The following CEP164 variants were observed in gnomAD, a reference collection of about 807,000 sequenced individuals.
CEP164 encodes the protein centrosomal protein of 164 kDa.
Under a neutral mutation model 182.7 loss-of-function variants are expected in CEP164, and 162 were observed. That is an observed-to-expected ratio of 0.89 (90% CI 0.78 to 1.01). The LOEUF is 1.01. Among genes scored for constraint, CEP164 ranks in the 50% least tolerant of loss-of-function variants. The pLI, the probability that CEP164 is intolerant of heterozygous loss-of-function variation, is 0.00. For synonymous variants in CEP164, 661 were observed against 690.0 expected (o/e 0.96, Z 0.66); for missense variants, 1,735 against 1,790.4 (o/e 0.97, Z 0.56).
intron 8 of CEP164, among the ~76,000 whole-genome samples, chr11:117,370,365 C>T (rs1284806640): frequency 1.3e-5 from 2 of 152,266 alleles, no homozygotes; most frequent in Non-Finnish European, 2.9e-5. Context: ...TGCTGCCTTT[C>T]TGTCACATGA....
At chr11:117,331,430 C>CA (rs35449587) in intron 1 of CEP164, among the ~76,000 whole-genome samples, 106,527 of 152,092 alleles carry the variant, frequency 0.7, 37,450 homozygotes, top group Admixed American at 0.78. Flanking sequence ...ATTTGTGTAA[C>CA]TTTTCTGTAT....
chr11:117,358,540 C>CTTTT lies in CEP164; in HGVS notation c.394-3280_394-3277dup, dbSNP rs71961009. On this transcript the variant is annotated intron_variant, in intron 5 of 32. Transcript: ENST00000278935. ...TCTTGGGCTCTTCCCCTCCCCCGGC[C>CTTTT]TTTTTTTTTTTTTTTTTTAAGAGAC... is the stretch of plus-strand genomic sequence containing the variant. Among the ~76,000 whole-genome samples, 160 of 129,124 alleles carry CTTTT rather than the reference C, an allele frequency of 1.2e-3. 3 individuals carry two copies. The South Asian group carries it at 0.027, about 22-fold the overall frequency. 84.7% of individuals were successfully genotyped at this position (129,124 alleles called of 152,430 possible).
intron 1 of CEP164, among the ~76,000 whole-genome samples, chr11:117,333,319 T>C (rs1190464777): frequency 1.3e-5 from 2 of 152,106 alleles, no homozygotes; most frequent in African/African-American, 4.8e-5. Flanking sequence ...GCCCAAGGGC[T>C]GCATTCTTAG....
chr11:117,389,920 C>T (rs2044404555), intron 15 of CEP164, among the ~76,000 whole-genome samples: 1 of 150,726 alleles, frequency 6.6e-6, no homozygotes, highest in Non-Finnish European at 1.5e-5. Context: ...CTACCAAAAC[C>T]CAGAAGCCAG....
chr11:117,330,223 T>C (rs983439748), intron 1 of CEP164, among the ~76,000 whole-genome samples: 1 of 152,194 alleles, frequency 6.6e-6, no homozygotes, highest in African/African-American at 2.4e-5. Context: ...TTACTTCCTT[T>C]AATTCATGTA....
At position 117,336,715 on chromosome 11, in the gene CEP164, T is replaced by C; in HGVS notation, c.-22+1035T>C. 3 of 715,586 alleles carry C rather than the reference T, an allele frequency of 4.2e-6. No individual in the cohort carries two copies. In the South Asian group the frequency reaches 4.9e-5, roughly 12 times the overall value. The allele number at this position is 715,586 out of a possible 1,614,324, so 44.3% of individuals were successfully genotyped here. A position where few individuals can be genotyped will look rare whatever the true frequency, so the allele number is the denominator to read the frequency against. ...TCCTGATGTTTTTAATGGCTGGGCC[T>C]TTCTGCTTGAAGAGGGCCGTTTCAT... is the stretch of plus-strand genomic sequence containing the variant. On this transcript the variant is annotated intron_variant, in intron 2 of 32. Transcript: ENST00000278935.
At chr11:117,327,618 A>G (rs111813005), upstream of CEP164, among the ~76,000 whole-genome samples, 36 of 151,868 alleles carry the variant, frequency 2.4e-4, no homozygotes, top group African/African-American at 8.7e-4. Flanking sequence ...GTTCTCTTTC[A>G]ACCTCTTGCG....
intron 8 of CEP164, among the ~76,000 whole-genome samples, chr11:117,364,713 G>T (rs2041423575): frequency 2.6e-5 from 4 of 152,092 alleles, no homozygotes; most frequent in Admixed American, 2.6e-4. Context: ...TCCCAGGCTG[G>T]TCTTGAACTC....
At chr11:117,393,218 C>T in intron 20 of CEP164, 92 bp downstream of exon 20, 1 of 1,508,544 alleles carries the variant, frequency 6.6e-7, no homozygotes, top group Non-Finnish European at 8.9e-7. Flanking sequence ...CATGCACGCA[C>T]ATGCACACAC....
intron 2 of CEP164, among the ~76,000 whole-genome samples, chr11:117,337,225 C>T (rs895403004): frequency 6.6e-6 from 1 of 152,122 alleles, no homozygotes. Context: ...CAGCTGCCTT[C>T]TTGCTGTGTC....
intron 5 of CEP164, among the ~76,000 whole-genome samples, chr11:117,357,584 G>T (rs942158738): frequency 1.3e-5 from 2 of 151,622 alleles, no homozygotes. Context: ...AACACACCTG[G>T]CTAATTTTTG....
intron 1 of CEP164, among the ~76,000 whole-genome samples, chr11:117,333,327 T>C (rs945032068): frequency 6.6e-6 from 1 of 152,086 alleles, no homozygotes; most frequent in African/African-American, 2.4e-5. Context: ...GCTGCATTCT[T>C]AGACTTCTCA....
At position 117,408,899 on chromosome 11, in the gene CEP164, G is replaced by A. The variant is rs759679645; in HGVS notation, c.3619G>A (p.Glu1207Lys). The A allele has an allele frequency of 6.2e-7, 1 of 1,614,158 alleles. No homozygotes were observed. The highest frequency in any genetic ancestry group is 8.5e-7 in the Non-Finnish European group (1 of 1,180,024). ...ESSLWEEASD[E>K]GTLGGSPTKK... ...TGACTTTACCCCACAGGCCTCAGAT[G>A]AGGGCACTCTGGGAGGATCCCCCAC... Residue 1207 changes from glutamate (E) to lysine (K), a missense_variant, in exon 29 of 33, where the codon GAG becomes AAG. Transcript: ENST00000278935.
At chr11:117,348,296 T>A (rs1397712527) in intron 4 of CEP164, among the ~76,000 whole-genome samples, 1 of 152,068 alleles carries the variant, frequency 6.6e-6, no homozygotes, top group Non-Finnish European at 1.5e-5. Context: ...ATTAAAAAAT[T>A]GTCAATTAAA....
intron 1 of CEP164, among the ~76,000 whole-genome samples, chr11:117,333,554 G>A (rs1451320534): frequency 6.6e-6 from 1 of 151,990 alleles, no homozygotes; most frequent in African/African-American, 2.4e-5. Context: ...TTTGAGACAG[G>A]GTCTTGCTCT....
At chr11:117,370,430 G>A (rs551691834) in intron 8 of CEP164, among the ~76,000 whole-genome samples, 1 of 152,330 alleles carries the variant, frequency 6.6e-6, no homozygotes, top group Admixed American at 6.5e-5. Context: ...GTCTTCTGAT[G>A]TGGCCAATGG....
chr11:117,394,270 T>A lies in CEP164; in HGVS notation c.2617-80T>A. ...GTCCCTGATCTTACTGATGCAAGGC[T>A]GCAGGGCTAGGGGAGCTGTGATTTT... On this transcript the variant is annotated intron_variant, in intron 20 of 32. Coordinates refer to ENST00000278935, the MANE Select transcript of CEP164 (RefSeq NM_014956.5). The surrounding 1 kb of genome is among the most constrained non-coding windows in gnomAD (Gnocchi z 4.0). 1 of 1,530,554 alleles carries A rather than the reference T, an allele frequency of 6.5e-7. No individual in the cohort carries two copies. Among genetic ancestry groups the A allele is most frequent in the South Asian group, 1.2e-5 (1 of 82,284 alleles). 94.8% of individuals were successfully genotyped at this position (1,530,554 alleles called of 1,614,324 possible). A position where few individuals can be genotyped will look rare whatever the true frequency, so the allele number is the denominator to read the frequency against.
intron 4 of CEP164, among the ~76,000 whole-genome samples, chr11:117,347,016 C>T (rs910440715): frequency 2.6e-5 from 4 of 152,138 alleles, no homozygotes; most frequent in Non-Finnish European, 4.4e-5. Flanking sequence ...TATGCACCCC[C>T]TCCCCAACAA....
At chr11:117,354,647 A>G (rs1309835419) in intron 5 of CEP164, among the ~76,000 whole-genome samples, 1 of 152,146 alleles carries the variant, frequency 6.6e-6, no homozygotes, top group Non-Finnish European at 1.5e-5. Context: ...ACTGGAGCCT[A>G]GAAAACAACA....
Sources: gnomAD v4.1 joint callset for allele counts (sites outside exome capture counted in the v4.1 genomes callset) on GRCh38, gnomAD v4.1.1 for gene constraint, Gnocchi (gnomAD v3.1) non-coding constraint, MANE v1.5 for transcripts, NCBI Gene and HGNC (gene_info 2026-07-23, HGNC 2026-07-21) for gene names.